STK39: variants seen among roughly 807,000 people sequenced by gnomAD.
STK39 encodes STE20/SPS1-related proline-alanine-rich protein kinase.
In STK39, 20 loss-of-function variants were observed where a neutral mutation model predicts 77.8. The ratio of observed to expected loss-of-function variants is 0.26; its 90% CI spans 0.18 to 0.37. The LOEUF is 0.37. Ranked by LOEUF, STK39 falls within the 10% of genes least tolerant of loss-of-function variation. The pLI is 1.00. For missense variants in STK39, 479 were observed against 656.5 expected (o/e 0.73, Z 2.95); for synonymous variants, 246 against 234.1 (o/e 1.05, Z -0.47).
intron 1 of STK39, among the ~76,000 whole-genome samples, chr2:168,229,384 CAA>C (rs34695553): frequency 3.1e-5 from 4 of 129,484 alleles, no homozygotes; most frequent in Non-Finnish European, 6.5e-5. Flanking sequence ...GACTCTGACT[CAA>C]AAAAAAAAAA....
chr2:168,010,748 T>C (rs1301231596), intron 16 of STK39, among the ~76,000 whole-genome samples: 1 of 152,224 alleles, frequency 6.6e-6, no homozygotes, highest in Non-Finnish European at 1.5e-5. Flanking sequence ...TGTATCTGCA[T>C]TTATGATATA....
intron 1 of STK39, among the ~76,000 whole-genome samples, chr2:168,206,051 C>T (rs1689733476): frequency 6.6e-6 from 1 of 152,138 alleles, no homozygotes; most frequent in African/African-American, 2.4e-5. Flanking sequence ...ATTCATATAA[C>T]TCTACTAGTC....
chr2:168,200,613 G>A (rs543197529), intron 1 of STK39, among the ~76,000 whole-genome samples: 3 of 152,190 alleles, frequency 2.0e-5, no homozygotes, highest in East Asian at 3.9e-4. Flanking sequence ...GGAGGCAGAG[G>A]TTGCAGTGAG....
chr2:168,030,172 G>A (rs778273579), intron 14 of STK39, among the ~76,000 whole-genome samples: 5 of 152,124 alleles, frequency 3.3e-5, no homozygotes, highest in Non-Finnish European at 5.9e-5. Flanking sequence ...TCTGGGAGGC[G>A]GAGCTTTCAG....
intron 14 of STK39, among the ~76,000 whole-genome samples, chr2:168,038,874 A>T (rs143181313): frequency 1.1e-4 from 17 of 152,312 alleles, no homozygotes; most frequent in African/African-American, 3.8e-4. Context: ...TAAATGGCTA[A>T]AATTAAAAAG....
intron 14 of STK39, among the ~76,000 whole-genome samples, chr2:168,039,082 T>C (rs780030343): frequency 2.0e-5 from 3 of 151,932 alleles, no homozygotes; most frequent in Non-Finnish European, 4.4e-5. Flanking sequence ...AGACTATACA[T>C]GAATGTTCAT....
chr2:168,122,057 G>C (rs1348451878), intron 10 of STK39, among the ~76,000 whole-genome samples: 1 of 152,170 alleles, frequency 6.6e-6, no homozygotes, highest in Non-Finnish European at 1.5e-5. Flanking sequence ...TTTCGTTTCA[G>C]GGGCACATGT....
At chr2:168,219,753 A>C (rs916422686) in intron 1 of STK39, among the ~76,000 whole-genome samples, 2 of 152,186 alleles carry the variant, frequency 1.3e-5, no homozygotes, top group Non-Finnish European at 2.9e-5. Context: ...ATTTATTAGA[A>C]TCACCATTTA....
intron 14 of STK39, among the ~76,000 whole-genome samples, chr2:168,032,613 A>T (rs1255895842): frequency 6.6e-6 from 1 of 152,238 alleles, no homozygotes; most frequent in African/African-American, 2.4e-5. Flanking sequence ...GACAAAGACA[A>T]GTTCTCACTC....
At chr2:168,195,793 G>T (rs1025023641) in intron 1 of STK39, among the ~76,000 whole-genome samples, 1 of 152,176 alleles carries the variant, frequency 6.6e-6, no homozygotes, top group African/African-American at 2.4e-5. Flanking sequence ...TAGGTCGGTA[G>T]ATCATCTGAG....
Position 168,129,623 on chromosome 2 carries a change from C to T in STK39, c.1024-17G>A, listed in dbSNP as rs766404466. The T allele has an allele frequency of 6.2e-7, 1 of 1,613,926 alleles. No homozygotes were observed. The highest frequency in any genetic ancestry group is 1.1e-5 in the South Asian group (1 of 91,068). On this transcript the variant is annotated splice_polypyrimidine_tract_variant and intron_variant, in intron 9 of 17. Coordinates refer to ENST00000355999, the MANE Select transcript of STK39 (RefSeq NM_013233.3). The stretch of plus-strand genomic sequence containing the variant: ...CTCTCTGTTCTGCAAAACAAATATT[C>T]CCAACAGTTTAACATCAAATATGAT...
chr2:168,202,297 T>C (rs1689630207), intron 1 of STK39, among the ~76,000 whole-genome samples: 1 of 152,206 alleles, frequency 6.6e-6, no homozygotes, highest in South Asian at 2.1e-4. Context: ...ACTTTTATAT[T>C]TCCCAGAGTT....
chr2:168,070,405 T>C (rs953828186), intron 12 of STK39, among the ~76,000 whole-genome samples: 3 of 152,050 alleles, frequency 2.0e-5, no homozygotes, highest in African/African-American at 7.2e-5. Context: ...TTGTTATAAA[T>C]TATTAATTAC....
rs554777006 is a variant in STK39 at position 168,020,272 on chromosome 2, C to G, written c.1377-3177G>C. Among the ~76,000 whole-genome samples the G allele has an allele frequency of 5.3e-4, 81 of 152,248 alleles. 1 individual carries two copies. The highest frequency in any genetic ancestry group is 1.9e-3 in the African/African-American group (78 of 41,554). On this transcript the variant is annotated intron_variant, in intron 14 of 17. Transcript: ENST00000355999. ...TAAATTTTATATGAAAAATTACTTT[C>G]CTTTTCAAAATGAAAACAATTCAGT...
At chr2:168,121,212 T>A (rs1687397165) in intron 10 of STK39, among the ~76,000 whole-genome samples, 1 of 152,232 alleles carries the variant, frequency 6.6e-6, no homozygotes, top group Non-Finnish European at 1.5e-5. Context: ...CACTCCTGCT[T>A]ATTTGGCCAT....
chr2:168,194,854 G>A (rs1218335157), intron 1 of STK39, among the ~76,000 whole-genome samples: 1 of 152,080 alleles, frequency 6.6e-6, no homozygotes, highest in African/African-American at 2.4e-5. Context: ...GATATTATAA[G>A]AAAGAAAACC....
rs144080400 is a variant in STK39 at position 168,221,301 on chromosome 2, C to G, written c.208+25927G>C. ...TTTAAACATTGATTGTCTCAGAGTC[C>G]AGAGTTTACATACAAGCTAGAACAT... On this transcript the variant is annotated intron_variant, in intron 1 of 17. Coordinates refer to ENST00000355999, the MANE Select transcript of STK39 (RefSeq NM_013233.3). 1.0e-3 allele frequency among the ~76,000 whole-genome samples: 157 copies of G among 152,242 alleles called. 2 individuals carry two copies. Among genetic ancestry groups the G allele is most frequent in the African/African-American group, 3.5e-3 (146 of 41,518 alleles).
intron 14 of STK39, among the ~76,000 whole-genome samples, chr2:168,052,559 C>T (rs897998352): frequency 3.9e-5 from 6 of 152,166 alleles, no homozygotes; most frequent in Admixed American, 1.3e-4. Flanking sequence ...TCTTGTGAAG[C>T]ATCTTGATAT....
intron 16 of STK39, among the ~76,000 whole-genome samples, chr2:167,969,156 A>C (rs1234926351): frequency 6.6e-6 from 1 of 152,222 alleles, no homozygotes; most frequent in Non-Finnish European, 1.5e-5. Flanking sequence ...TCACACACAT[A>C]AAGTGCTTAG....
Sources: gnomAD v4.1 joint callset for allele counts (sites outside exome capture counted in the v4.1 genomes callset) on GRCh38, gnomAD v4.1.1 for gene constraint, MANE v1.5 for transcripts, NCBI Gene and HGNC (gene_info 2026-07-23, HGNC 2026-07-21) for gene names.